Variants in A1BG observed in about 807,000 individuals in gnomAD.
The protein encoded by A1BG is alpha-1B-glycoprotein.
In A1BG, 44 loss-of-function variants were observed where a neutral mutation model predicts 46.0. The ratio of observed to expected loss-of-function variants is 0.96; its 90% CI spans 0.75 to 1.23. The LOEUF (loss-of-function observed/expected upper bound fraction) is 1.23, where lower values mean the gene tolerates loss of function less well. A1BG is among the 50% of genes most tolerant of loss of function. A1BG has a pLI of 0.00. For missense variants in A1BG, 707 were observed against 688.8 expected (o/e 1.03, Z -0.30); for synonymous variants, 316 against 314.7 (o/e 1.00, Z -0.04).
intron 5 of A1BG, 56 bp from the exon 6 acceptor site, chr19:58,350,707 G>A: frequency 1.5e-6 from 2 of 1,327,798 alleles, no homozygotes; most frequent in South Asian, 2.0e-5. Flanking sequence ...CGGCCCTAAC[G>A]CGTGGTCTGG....
intron 4 of A1BG, 110 bp from the exon 5 acceptor site, chr19:58,351,797 T>C: frequency 1.3e-6 from 1 of 799,814 alleles, no homozygotes; most frequent in Non-Finnish European, 1.7e-6. Flanking sequence ...CTTCCATTCT[T>C]TTTTTTTTTT....
rs758241761 is a variant in A1BG at position 58,351,601 on chromosome 19, C to T, written c.700G>A (p.Ala234Thr). Residue 234 changes from alanine to threonine, a missense_variant, in exon 5 of 8, where the codon GCT (alanine) becomes ACT (threonine). Transcript: ENST00000263100. Reference sequence around the variant, plus strand: ...TGGAAGTCCACTCCACTCAGGGGAGCCACGCAGGTGAGGGTCACCTTGTTG... The same window carrying T: ...TGGAAGTCCACTCCACTCAGGGGAGTCACGCAGGTGAGGGTCACCTTGTTG... ...PGNKVTLTCVAPLSGVDFQLR... is the reference protein window; with the variant it reads ...PGNKVTLTCVTPLSGVDFQLR... 1 of 1,613,736 alleles carries T rather than the reference C, an allele frequency of 6.2e-7. No individual in the cohort carries two copies. Among genetic ancestry groups the T allele is most frequent in the South Asian group, 1.1e-5 (1 of 91,076 alleles).
At position 58,347,019 on chromosome 19, in the gene A1BG, G is replaced by T. The variant is rs1483412749; in HGVS notation, c.*3C>A. 1 of 1,614,108 alleles carries T rather than the reference G, an allele frequency of 6.2e-7. No individual in the cohort carries two copies. The highest frequency in any genetic ancestry group is 8.5e-7 in the Non-Finnish European group (1 of 1,179,998). On this transcript the variant is annotated 3_prime_UTR_variant, in exon 8 of 8. Transcript: ENST00000263100. ...CCAACAGCACCCTGGGCCCGCGGCT[G>T]CATCAGCTTTCTAGACAACGGGAGA...
chr19:58,350,108 G>A, intron 6 of A1BG: 1 of 477,012 alleles, frequency 2.1e-6, no homozygotes. Context: ...ATCTGAACAA[G>A]AAAACCTGGG....
intron 6 of A1BG, chr19:58,349,664 A>T (rs1468356829): frequency 6.6e-6 from 1 of 151,388 alleles, no homozygotes; most frequent in Non-Finnish European, 1.5e-5. Flanking sequence ...AAAAACAAAA[A>T]GGAGAAGAAA....
chr19:58,347,332 C>G (rs370008583), intron 7 of A1BG, 21 bp downstream of exon 7: 8 of 1,609,102 alleles, frequency 5.0e-6, no homozygotes, highest in Non-Finnish European at 5.1e-6. Context: ...AACCAGCACC[C>G]GGGACCCAGG....
In A1BG at chr19:58,353,466, GTGTC is replaced by G. The variant is rs370482747; in HGVS notation, c.-33_-30del. 6 of 1,595,654 alleles carry G rather than the reference GTGTC, an allele frequency of 3.8e-6. No homozygotes were observed. Among genetic ancestry groups the G allele is most frequent in the Non-Finnish European group, 5.1e-6 (6 of 1,170,804 alleles). ...GGTCGCGCTCACTCCGGTGCAGTGAGTGTCTGGGGTGAGCGTCTGCAGCAATGAG... is the reference window on the plus strand; with the variant it reads ...GGTCGCGCTCACTCCGGTGCAGTGAGTGGGGTGAGCGTCTGCAGCAATGAG... On this transcript the variant is annotated 5_prime_UTR_variant, in exon 1 of 8. Coordinates refer to ENST00000263100, the MANE Select transcript of A1BG (RefSeq NM_130786.4).
chr19:58,346,988 A>G lies in A1BG; in HGVS notation c.*34T>C, dbSNP rs1312370811. On this transcript the variant is annotated 3_prime_UTR_variant, in exon 8 of 8. Transcript: ENST00000263100. ...CAGTCCAGAATCCCCGGCACTTCTG[A>G]GGACACCAACAGCACCCTGGGCCCG... is the stretch of plus-strand genomic sequence containing the variant. The G allele has an allele frequency of 3.7e-6, 6 of 1,613,684 alleles. No individual in the cohort carries two copies. The African/African-American group carries it at 5.3e-5, about 14-fold the overall frequency.
In A1BG at chr19:58,350,581, C is replaced by T; in HGVS notation, c.981G>A (p.Ala327=). 4 of 1,511,350 alleles carry T rather than the reference C, an allele frequency of 2.6e-6. No homozygotes were observed. The highest frequency in any genetic ancestry group is 2.0e-4 in the Middle Eastern group (1 of 4,972). 93.6% of individuals were successfully genotyped at this position (1,511,350 alleles called of 1,614,324 possible). A position where few individuals can be genotyped will look rare whatever the true frequency, so the allele number is the denominator to read the frequency against. ...GGGCGAAGCGCGCGCCCTCCAGGGG[C>T]GCCAGGCACCGCAGCCGCAAGGCCC... ...SGRALRLRCL[A]PLEGARFALV... is the part of the protein sequence containing the mutation. The change falls in exon 6 of 8, where the codon GCG becomes GCA. Residue 327 remains alanine (A), a synonymous_variant. Transcript: ENST00000263100.
In A1BG at chr19:58,347,430, T is replaced by C; in HGVS notation, c.1403A>G (p.Tyr468Cys). The C allele has an allele frequency of 6.2e-7, 1 of 1,610,030 alleles. No individual in the cohort carries two copies. Among genetic ancestry groups the C allele is most frequent in the Non-Finnish European group, 8.5e-7 (1 of 1,178,404 alleles). The change falls in exon 7 of 8, where the codon TAC (tyrosine) becomes TGC (cysteine). Residue 468 changes from tyrosine (Y) to cysteine (C), a missense_variant. Tyr to Cys is a radical substitution (Grantham distance 194). Coordinates refer to ENST00000263100, the MANE Select transcript of A1BG (RefSeq NM_130786.4). ...CACCCAGGAGCGGTAGCGGCACCTG[T>C]AGTTGCCGGCGTGCTGGGGCCCCAC... ...IFVGPQHAGN[Y>C]RCRYRSWVPH... is the part of the protein sequence containing the mutation.
rs377698744 is a variant in A1BG, at chr19:58,353,341, C to A, written c.35-14G>T. On this transcript the variant is annotated splice_polypyrimidine_tract_variant and intron_variant, in intron 1 of 7. Coordinates refer to ENST00000263100, the MANE Select transcript of A1BG (RefSeq NM_130786.4). ...CCCAGGTGACACCTGCGGAGACAGC[C>A]CCCGTAAGGCTCCTGTTCCCGCCCC... 18 of 1,610,496 alleles carry A rather than the reference C, an allele frequency of 1.1e-5. No individual in the cohort carries two copies. The highest frequency in any genetic ancestry group is 1.4e-5 in the Non-Finnish European group (17 of 1,178,536).
chr19:58,348,649 G>A (rs559577973), intron 6 of A1BG: 2 of 152,310 alleles, frequency 1.3e-5, no homozygotes, highest in East Asian at 1.9e-4. Flanking sequence ...AGCTAATCAG[G>A]AATTTTGAAA....
At chr19:58,352,237 G>C in intron 4 of A1BG, 46 bp downstream of exon 4, 1 of 1,599,324 alleles carries the variant, frequency 6.3e-7, no homozygotes. Flanking sequence ...CATGCCCCCT[G>C]TATCCTCCTC....
intron 6 of A1BG, 62 bp from the exon 7 acceptor site, chr19:58,347,702 C>T: frequency 4.9e-6 from 6 of 1,223,592 alleles, no homozygotes; most frequent in Non-Finnish European, 5.2e-6. Flanking sequence ...CAGGCCACAC[C>T]CCAGGCCACA....
Position 58,350,362 on chromosome 19 carries a change from C to A in A1BG, c.1192+8G>T. The A allele has an allele frequency of 6.5e-7, 1 of 1,532,964 alleles. No homozygotes were observed. The highest frequency in any genetic ancestry group is 8.8e-7 in the Non-Finnish European group (1 of 1,135,252). The allele number at this position is 1,532,964 out of a possible 1,614,324, so 95.0% of individuals were successfully genotyped here. A position where few individuals can be genotyped will look rare whatever the true frequency, so the allele number is the denominator to read the frequency against. ...GCGCCCGCCCTCGCTGGTGCCCCGC[C>A]AGCTCACCGTCCACGTGCAGCTCCA... On this transcript the variant is annotated splice_region_variant and intron_variant, in intron 6 of 7. Coordinates refer to ENST00000263100, the MANE Select transcript of A1BG (RefSeq NM_130786.4).
chr19:58,346,421 A>T lies in A1BG; in HGVS notation c.*601T>A, dbSNP rs1221976171. On this transcript the variant is annotated 3_prime_UTR_variant, in exon 8 of 8. Transcript: ENST00000263100. ...GACTCATCTCTACAAAAAATAAATAATAGAAAGAAAAATGTGAGTTGGCCA... is the reference window on the plus strand; with the variant it reads ...GACTCATCTCTACAAAAAATAAATATTAGAAAGAAAAATGTGAGTTGGCCA... 6.3e-6 allele frequency: 1 copy of T among 159,002 alleles called. No individual in the cohort carries two copies. The allele number at this position is 159,002 out of a possible 1,614,324, so 9.8% of individuals were successfully genotyped here.
chr19:58,350,238 C>T (rs1250588995), intron 6 of A1BG, 132 bp downstream of exon 6: 3 of 1,192,820 alleles, frequency 2.5e-6, no homozygotes, highest in East Asian at 2.8e-5. Flanking sequence ...TGCTCCCCGC[C>T]GGGGTAGGCG....
At position 58,350,540 on chromosome 19, in the gene A1BG, CT is replaced by C. The variant is rs2051948194; in HGVS notation, c.1021del (p.Arg341GlyfsTer39). On this transcript the variant is annotated frameshift_variant, in exon 6 of 8. Coordinates refer to ENST00000263100, the MANE Select transcript of A1BG (RefSeq NM_130786.4). LOFTEE classifies it high-confidence loss of function. The part of the protein sequence containing the change: ...GARFALVRED[R>X]GGRRVHRFQS... Reference sequence around the variant, plus strand: ...GAAACGGTGCACGCGGCGCCCGCCCCTGTCCTCGCGCACCAGGGCGAAGCGC... The same window carrying C: ...GAAACGGTGCACGCGGCGCCCGCCCCGTCCTCGCGCACCAGGGCGAAGCGC... The C allele has an allele frequency of 6.5e-7, 1 of 1,549,134 alleles. No homozygotes were observed. Among genetic ancestry groups the C allele is most frequent in the Non-Finnish European group, 8.7e-7 (1 of 1,146,418 alleles).
In A1BG at chr19:58,350,601, A is replaced by G; in HGVS notation, c.961T>C (p.Leu321=). The G allele has an allele frequency of 6.7e-7, 1 of 1,482,490 alleles. No homozygotes were observed. Among genetic ancestry groups the G allele is most frequent in the Non-Finnish European group, 8.9e-7 (1 of 1,118,360 alleles). 91.8% of individuals were successfully genotyped at this position (1,482,490 alleles called of 1,614,324 possible). A position where few individuals can be genotyped will look rare whatever the true frequency, so the allele number is the denominator to read the frequency against. The change falls in exon 6 of 8, where the codon TTG becomes CTG. Residue 321 remains leucine, a synonymous_variant. Transcript: ENST00000263100. The stretch of plus-strand genomic sequence containing the variant: ...AGGGGCGCCAGGCACCGCAGCCGCA[A>G]GGCCCTGCCGGACTCCGGCTCCGGG... The part of the protein sequence containing the change: ...FSPEPESGRA[L]RLRCLAPLEG...
Sources: allele counts gnomAD v4.1 joint callset, GRCh38; gene constraint gnomAD v4.1.1; transcripts MANE v1.5; gene names NCBI Gene and HGNC (gene_info 2026-07-23, HGNC 2026-07-21).